CSNK2A1: variants seen among roughly 807,000 people sequenced by gnomAD.
CSNK2A1 encodes casein kinase 2 alpha 1, also known as casein kinase II subunit alpha.
In CSNK2A1, 10 loss-of-function variants were observed where a neutral mutation model predicts 62.9. The observed-to-expected ratio is 0.16, with a 90% CI of 0.10 to 0.27. CSNK2A1 has a LOEUF of 0.27. Among genes scored for constraint, CSNK2A1 ranks in the 10% least tolerant of loss-of-function variants. The probability of loss-of-function intolerance (pLI) is 1.00; values close to 1 mark genes in which losing one functional copy is unlikely to be tolerated. For missense variants in CSNK2A1, 160 were observed against 492.0 expected (o/e 0.33, Z 6.38); for synonymous variants, 124 against 167.8 (o/e 0.74, Z 2.02).
chr20:486,250 T>C, intron 13 of CSNK2A1, 126 bp downstream of exon 13: 1 of 986,584 alleles, frequency 1.0e-6, no homozygotes, highest in Non-Finnish European at 1.5e-6. Flanking sequence ...TGCTGAAACC[T>C]GGTTAAAAAA....
At chr20:515,799 T>G (rs1028823643) in intron 2 of CSNK2A1, among the ~76,000 whole-genome samples, 4 of 152,214 alleles carry the variant, frequency 2.6e-5, no homozygotes, top group Non-Finnish European at 5.9e-5. Context: ...TGGTTTATTT[T>G]TTAAAAATGA....
At position 477,097 on chromosome 20, in the gene CSNK2A1, C is replaced by CT. The variant is rs2122471466; in HGVS notation, c.*6863_*6864insA. On this transcript the variant is annotated 3_prime_UTR_variant, in exon 14 of 14. Coordinates refer to ENST00000217244, the MANE Select transcript of CSNK2A1 (RefSeq NM_177559.3). The stretch of plus-strand genomic sequence containing the variant: ...AGAGACAGGGTCTCCCTATGTTGCC[C>CT]AGGCTGGTCTCCAACTCGTGGCCTC... 1 of 152,468 alleles carries CT rather than the reference C, an allele frequency of 6.6e-6. No individual in the cohort carries two copies. 9.4% of individuals were successfully genotyped at this position (152,468 alleles called of 1,614,324 possible). A position where few individuals can be genotyped will look rare whatever the true frequency, so the allele number is the denominator to read the frequency against.
intron 1 of CSNK2A1, chr20:543,067 C>A (rs2122151722): frequency 6.6e-6 from 1 of 152,394 alleles, no homozygotes; most frequent in Non-Finnish European, 1.5e-5. Context: ...TTTTTCTATC[C>A]AGGCTCCTAA....
chr20:518,039 C>T (rs2018863959), intron 2 of CSNK2A1, among the ~76,000 whole-genome samples: 1 of 152,174 alleles, frequency 6.6e-6, no homozygotes, highest in South Asian at 2.1e-4. Flanking sequence ...AATCGTAGCT[C>T]ACTGCCACTT....
intron 3 of CSNK2A1, among the ~76,000 whole-genome samples, chr20:505,604 C>A (rs182219061): frequency 6.6e-6 from 1 of 151,302 alleles, no homozygotes; most frequent in South Asian, 2.1e-4. Context: ...CCTCGTGATT[C>A]GTCCGCCTCG....
At chr20:514,797 ATATG>A (rs1435167352) in intron 2 of CSNK2A1, among the ~76,000 whole-genome samples, 1 of 152,200 alleles carries the variant, frequency 6.6e-6, no homozygotes, top group Non-Finnish European at 1.5e-5. Flanking sequence ...CTGCAAATGC[ATATG>A]TATATCACAT....
chr20:535,360 G>T (rs1042418063), intron 1 of CSNK2A1, among the ~76,000 whole-genome samples: 1 of 152,208 alleles, frequency 6.6e-6, no homozygotes, highest in African/African-American at 2.4e-5. Context: ...ATACATGCTT[G>T]AATACTTAAT....
At position 499,742 on chromosome 20, in the gene CSNK2A1, G is replaced by T; in HGVS notation, c.315+91C>A. The T allele has an allele frequency of 3.4e-6, 4 of 1,184,408 alleles. No homozygotes were observed. Among genetic ancestry groups the T allele is most frequent in the Non-Finnish European group, 5.0e-6 (4 of 796,270 alleles). The allele number at this position is 1,184,408 out of a possible 1,614,324, so 73.4% of individuals were successfully genotyped here. On this transcript the variant is annotated intron_variant, in intron 5 of 13. Coordinates refer to ENST00000217244, the MANE Select transcript of CSNK2A1 (RefSeq NM_177559.3). The surrounding 1 kb of genome is among the most constrained non-coding windows in gnomAD (Gnocchi z 4.2). ...TTCAAAGCAGGACTTAATGATGAGGGTTGGGGGAGGGAACAAAAAGAGGCC... is the reference window on the plus strand; with the variant it reads ...TTCAAAGCAGGACTTAATGATGAGGTTTGGGGGAGGGAACAAAAAGAGGCC...
At chr20:504,328 G>T (rs2018532831) in intron 4 of CSNK2A1, 2 of 152,182 alleles carry the variant, frequency 1.3e-5, no homozygotes, top group African/African-American at 4.8e-5. Flanking sequence ...AGAAAGTTTG[G>T]AAACTTCTAC....
chr20:538,118 T>A (rs1405926543), intron 1 of CSNK2A1, among the ~76,000 whole-genome samples: 1 of 152,024 alleles, frequency 6.6e-6, no homozygotes, highest in East Asian at 1.9e-4. Context: ...ACCTCCACAC[T>A]CAGCTAATTT....
At chr20:513,963 T>C (rs1371733861) in intron 2 of CSNK2A1, among the ~76,000 whole-genome samples, 2 of 152,210 alleles carry the variant, frequency 1.3e-5, no homozygotes, top group East Asian at 3.8e-4. Context: ...CTTCATTAAT[T>C]ATACGGGAAA....
chr20:533,850 G>C (rs901596718), intron 1 of CSNK2A1, among the ~76,000 whole-genome samples: 2 of 152,188 alleles, frequency 1.3e-5, no homozygotes, highest in African/African-American at 4.8e-5. Flanking sequence ...GTTTGATTTG[G>C]ATTAATAGTT....
Position 479,007 on chromosome 20 carries a change from A to G in CSNK2A1, c.*4954T>C, listed in dbSNP as rs1309825655. ...AGTTTGTAATTTGCTACAGTGCAAA[A>G]TATCTGGCTTTCCATAGAGGGAGTG... On this transcript the variant is annotated 3_prime_UTR_variant, in exon 14 of 14. Transcript: ENST00000217244. 1 of 155,012 alleles carries G rather than the reference A, an allele frequency of 6.5e-6. No homozygotes were observed. The highest frequency in any genetic ancestry group is 2.4e-5 in the African/African-American group (1 of 41,456). The allele number at this position is 155,012 out of a possible 1,614,324, so 9.6% of individuals were successfully genotyped here.
rs2018548182 is a variant in CSNK2A1, at chr20:505,129, TAAC to T, written c.199_201del (p.Val67del). 6.2e-7 allele frequency: 1 copy of T among 1,611,774 alleles called. No individual in the cohort carries two copies. The highest frequency in any genetic ancestry group is 8.5e-7 in the Non-Finnish European group (1 of 1,179,026). ...TCTCTTGTACTCACCTTGAGAATTTTAACAACAACTTTTTCATTATTTGTGATG... is the reference window on the plus strand; with the variant it reads ...TCTCTTGTACTCACCTTGAGAATTTTAACAACTTTTTCATTATTTGTGATG... On this transcript the variant is annotated inframe_deletion, in exon 4 of 14. Transcript: ENST00000217244.
intron 2 of CSNK2A1, among the ~76,000 whole-genome samples, chr20:514,450 G>C (rs2018788473): frequency 6.6e-6 from 1 of 151,926 alleles, no homozygotes. Flanking sequence ...TTTTGAGACA[G>C]GAGACAGGGT....
chr20:527,622 C>G (rs1377405630), intron 2 of CSNK2A1, among the ~76,000 whole-genome samples: 1 of 152,192 alleles, frequency 6.6e-6, no homozygotes, highest in Non-Finnish European at 1.5e-5. Flanking sequence ...ACCCCATATA[C>G]TCTCTGACAT....
chr20:507,696 G>A (rs754331225), intron 3 of CSNK2A1: 3 of 152,198 alleles, frequency 2.0e-5, no homozygotes, highest in Non-Finnish European at 4.4e-5. Context: ...TTGGAGAACT[G>A]TTTCGTCCTC....
rs1001325512 is a variant in CSNK2A1, at chr20:498,084, G to C, written c.367-304C>G. On this transcript the variant is annotated intron_variant, in intron 6 of 13. Transcript: ENST00000217244. ...ACCTATAATTTAGTTTGCTTTTCAT[G>C]TATCTTCAGACCTTCTCAAAAGAGG... 1.1e-5 allele frequency: 3 copies of C among 271,330 alleles called. No individual in the cohort carries two copies. In the East Asian group the frequency reaches 3.0e-4, roughly 27 times the overall value. 16.8% of individuals were successfully genotyped at this position (271,330 alleles called of 1,614,324 possible).
chr20:533,886 G>A (rs60858826), intron 1 of CSNK2A1, among the ~76,000 whole-genome samples: 3 of 152,244 alleles, frequency 2.0e-5, no homozygotes, highest in African/African-American at 4.8e-5. Context: ...AAGAGAAATC[G>A]GAATTCCAGT....
Sources: gnomAD v4.1 joint callset for allele counts (sites outside exome capture counted in the v4.1 genomes callset) on GRCh38, gnomAD v4.1.1 for gene constraint, Gnocchi (gnomAD v3.1) non-coding constraint, MANE v1.5 for transcripts, NCBI Gene and HGNC (gene_info 2026-07-23, HGNC 2026-07-21) for gene names.